ZNF138: variants seen among roughly 807,000 people sequenced by gnomAD.
ZNF138 encodes zinc finger protein 138 (clone pHZ-32).
In ZNF138, 33 loss-of-function variants were observed where a neutral mutation model predicts 33.0. That is an observed-to-expected ratio of 1.00 (90% CI 0.76 to 1.34). The LOEUF is 1.34. ZNF138 is among the 40% of genes most tolerant of loss of function. The pLI is 0.00. For missense variants in ZNF138, 360 were observed against 370.8 expected (o/e 0.97, Z 0.24); for synonymous variants, 139 against 120.4 (o/e 1.15, Z -1.01).
chr7:64,806,118 CA>C (rs1284329507), intron 1 of ZNF138, among the ~76,000 whole-genome samples: 1 of 152,060 alleles, frequency 6.6e-6, no homozygotes, highest in East Asian at 1.9e-4. Flanking sequence ...GTAGAATAAC[CA>C]CATATAATAT....
chr7:64,838,578 C>T (rs1249945704), downstream of ZNF138, among the ~76,000 whole-genome samples: 1 of 152,130 alleles, frequency 6.6e-6, no homozygotes, highest in Non-Finnish European at 1.5e-5. Flanking sequence ...GTCGTTGTAC[C>T]TCAGCCGCCT....
At chr7:64,809,667 T>G (rs1456923006) in intron 1 of ZNF138, among the ~76,000 whole-genome samples, 3 of 137,740 alleles carry the variant, frequency 2.2e-5, no homozygotes, top group Admixed American at 7.1e-5. Context: ...CAGATGGGGC[T>G]GCTGCCGGGC....
intron 3 of ZNF138, chr7:64,830,824 A>T: frequency 8.3e-7 from 1 of 1,199,458 alleles, no homozygotes; most frequent in South Asian, 1.9e-5. Context: ...AGAGTCTTTC[A>T]GACATGTTCT....
chr7:64,826,309 C>T (rs1562919900), intron 3 of ZNF138, among the ~76,000 whole-genome samples: 2 of 151,894 alleles, frequency 1.3e-5, no homozygotes, highest in South Asian at 2.1e-4. Context: ...GACAGAGTTT[C>T]GCTCTTGTTG....
chr7:64,812,128 AGG>A (rs1020885548), intron 1 of ZNF138, among the ~76,000 whole-genome samples: 2 of 296 alleles, frequency 6.8e-3, no homozygotes, highest in Admixed American at 0.045. Flanking sequence ...ATCAAGTAAG[AGG>A]GGTTCAAGAT....
chr7:64,838,815 G>A, the ZNF138 span, among the ~76,000 whole-genome samples: 1 of 152,034 alleles, frequency 6.6e-6, no homozygotes, highest in Non-Finnish European at 1.5e-5. Flanking sequence ...AGAACAAATG[G>A]GAACTAACAG....
chr7:64,843,397 A>C, the ZNF138 span, among the ~76,000 whole-genome samples: 1 of 152,188 alleles, frequency 6.6e-6, no homozygotes, highest in Admixed American at 6.5e-5. Context: ...TTTTGTAATG[A>C]CTGTCCTCAT....
chr7:64,839,613 A>C, the ZNF138 span, among the ~76,000 whole-genome samples: 1 of 152,000 alleles, frequency 6.6e-6, no homozygotes, highest in Non-Finnish European at 1.5e-5. Flanking sequence ...AAGGAGGGGT[A>C]CTCACCCAGC....
rs1790170786 is a variant in ZNF138, at chr7:64,832,410, C to A, written c.*208C>A. The A allele has an allele frequency of 6.6e-7, 1 of 1,507,424 alleles. No homozygotes were observed. Among genetic ancestry groups the A allele is most frequent in the Non-Finnish European group, 8.8e-7 (1 of 1,130,980 alleles). 93.4% of individuals were successfully genotyped at this position (1,507,424 alleles called of 1,614,324 possible). A position where few individuals can be genotyped will look rare whatever the true frequency, so the allele number is the denominator to read the frequency against. On this transcript the variant is annotated 3_prime_UTR_variant, in exon 4 of 4. Transcript: ENST00000307355. ...TAAGTTAATTCATACTGGAGAAAAA[C>A]CCTACAAATGTAAAGAATGTGGAAA...
chr7:64,809,162 C>A (rs1399433426), intron 1 of ZNF138, among the ~76,000 whole-genome samples: 1 of 120,368 alleles, frequency 8.3e-6, no homozygotes, highest in Admixed American at 8.1e-5. Context: ...TAGGGGCGGC[C>A]GGGCAGAGGC....
intron 3 of ZNF138, among the ~76,000 whole-genome samples, chr7:64,822,951 G>C (rs1409544063): frequency 6.6e-6 from 1 of 151,816 alleles, no homozygotes; most frequent in Non-Finnish European, 1.5e-5. Context: ...CACGATCTTG[G>C]CCCACTGCAA....
In ZNF138 at chr7:64,832,311, C is replaced by A; in HGVS notation, c.*109C>A. On this transcript the variant is annotated 3_prime_UTR_variant, in exon 4 of 4. Transcript: ENST00000307355. Reference sequence around the variant, plus strand: ...AACCCTTATTACACATAAGATAATTCATAGCGGAGAGAAACCCCACAAATG... The same window carrying A: ...AACCCTTATTACACATAAGATAATTAATAGCGGAGAGAAACCCCACAAATG... 6.3e-7 allele frequency: 1 copy of A among 1,578,008 alleles called. No homozygotes were observed. Among genetic ancestry groups the A allele is most frequent in the South Asian group, 1.2e-5 (1 of 85,194 alleles).
chr7:64,822,875 T>TTTTTTTTA (rs1789279390), intron 3 of ZNF138, among the ~76,000 whole-genome samples: 1 of 152 alleles, frequency 6.6e-3, no homozygotes, highest in Admixed American at 0.25. Context: ...GAAAAATTAA[T>TTTTTTTTA]TTTTTTATTT....
chr7:64,832,872 TCA>T lies in ZNF138; in HGVS notation c.*673_*674del, dbSNP rs1790207086. 2.4e-6 allele frequency: 1 copy of T among 411,576 alleles called. No homozygotes were observed. Among genetic ancestry groups the T allele is most frequent in the Admixed American group, 2.9e-5 (1 of 35,046 alleles). The allele number at this position is 411,576 out of a possible 1,614,324, so 25.5% of individuals were successfully genotyped here. ...ATGTGGCATATCTTTTAACCAGTTC[TCA>T]CAACTTGCTATACATAAGATGATTC... On this transcript the variant is annotated 3_prime_UTR_variant, in exon 4 of 4. Transcript: ENST00000307355.
chr7:64,839,219 C>T, the ZNF138 span, among the ~76,000 whole-genome samples: 4 of 152,206 alleles, frequency 2.6e-5, no homozygotes, highest in Admixed American at 6.5e-5. Flanking sequence ...TATATTGCGG[C>T]CAGGCAACTG....
At chr7:64,830,707 G>A (rs984776973) in intron 3 of ZNF138, among the ~76,000 whole-genome samples, 1 of 151,920 alleles carries the variant, frequency 6.6e-6, no homozygotes, top group Non-Finnish European at 1.5e-5. Flanking sequence ...TGTATACATT[G>A]TAATCTTCAA....
the ZNF138 span, among the ~76,000 whole-genome samples, chr7:64,847,330 A>ATT: frequency 9.0e-6 from 1 of 111,368 alleles, no homozygotes; most frequent in Admixed American, 9.4e-5. Flanking sequence ...ATATATATAT[A>ATT]TATTTTTTTT....
At chr7:64,815,092 ATT>A (rs202087633) in intron 2 of ZNF138, 48 bp downstream of exon 2, 6,751 of 1,200,206 alleles carry the variant, frequency 5.6e-3, no homozygotes, top group East Asian at 0.013. Context: ...TAAAGGTTTC[ATT>A]TTTTTTTTTT....
chr7:64,812,985 T>A (rs1788303397), intron 1 of ZNF138, among the ~76,000 whole-genome samples: 1 of 152,122 alleles, frequency 6.6e-6, no homozygotes, highest in African/African-American at 2.4e-5. Context: ...ATAGGTTTGT[T>A]TTAACTACTT....
Sources: gnomAD v4.1 joint callset for allele counts (sites outside exome capture counted in the v4.1 genomes callset) on GRCh38, gnomAD v4.1.1 for gene constraint, MANE v1.5 for transcripts, NCBI Gene and HGNC (gene_info 2026-07-23, HGNC 2026-07-21) for gene names.